TJAP1: variants seen among roughly 807,000 people sequenced by gnomAD.
TJAP1 encodes tight junction associated protein 1.
Under a neutral mutation model 42.0 loss-of-function variants are expected in TJAP1, and 27 were observed. That is an observed-to-expected ratio of 0.64 (90% CI 0.47 to 0.89). The LOEUF is 0.89. Ranked by LOEUF, TJAP1 falls within the 40% of genes least tolerant of loss-of-function variation. The pLI, the probability that TJAP1 is intolerant of heterozygous loss-of-function variation, is 0.00. For missense variants in TJAP1, 712 were observed against 726.9 expected (o/e 0.98, Z 0.24); for synonymous variants, 257 against 288.4 (o/e 0.89, Z 1.10).
rs1444583824 is a variant in TJAP1 at position 43,501,925 on chromosome 6, ACACTCTCT to A, written c.290+240_290+247del. ...CACACACACACACACACACACACAC[ACACTCTCT>A]CTCTCTCTCTCTCTCTCTCTCTCCT... On this transcript the variant is annotated intron_variant, in intron 6 of 10. Transcript: ENST00000372449. Among the ~76,000 whole-genome samples, 60 of 102,286 alleles carry A rather than the reference ACACTCTCT, an allele frequency of 5.9e-4. 1 individual carries two copies. Among genetic ancestry groups the A allele is most frequent in the African/African-American group, 2.1e-3 (43 of 20,716 alleles). The allele number at this position is 102,286 out of a possible 152,430, so 67.1% of individuals were successfully genotyped here. A position where few individuals can be genotyped will look rare whatever the true frequency, so the allele number is the denominator to read the frequency against.
At chr6:43,496,795 A>G (rs1789273658) in intron 2 of TJAP1, among the ~76,000 whole-genome samples, 1 of 152,236 alleles carries the variant, frequency 6.6e-6, no homozygotes, top group Non-Finnish European at 1.5e-5. Context: ...TTTTCTGCCC[A>G]GAAGGCCACC....
chr6:43,498,987 C>T, exon 4 of TJAP1: 1 of 1,613,048 alleles, frequency 6.2e-7, no homozygotes, highest in Non-Finnish European at 8.5e-7. Context: ...GGCGGAGGAG[C>T]CGTCACCTCC....
At chr6:43,496,359 C>T (rs1405108341) in intron 2 of TJAP1, among the ~76,000 whole-genome samples, 3 of 152,166 alleles carry the variant, frequency 2.0e-5, no homozygotes, top group Non-Finnish European at 2.9e-5. Context: ...GAGGGGCAGC[C>T]CCAAGGAACC....
At chr6:43,485,585 T>C (rs1033085804) in intron 2 of TJAP1, among the ~76,000 whole-genome samples, 43 of 152,226 alleles carry the variant, frequency 2.8e-4, no homozygotes, top group Admixed American at 2.8e-3. Context: ...GTACCTCTCC[T>C]CTGTGCTCTC....
intron 5 of TJAP1, 22 bp downstream of exon 5, chr6:43,500,794 T>C (rs1790351841): frequency 1.2e-6 from 2 of 1,613,930 alleles, no homozygotes; most frequent in Non-Finnish European, 1.7e-6. Context: ...CTACCTGAGA[T>C]ACTGCCCTGC....
intron 2 of TJAP1, among the ~76,000 whole-genome samples, chr6:43,494,656 T>C (rs1788696249): frequency 1.3e-5 from 2 of 148,344 alleles, no homozygotes; most frequent in Non-Finnish European, 1.5e-5. Context: ...TCCTTTTTTT[T>C]TTTTTTTTTT....
chr6:43,482,573 C>G (rs1373348525), intron 2 of TJAP1, among the ~76,000 whole-genome samples: 1 of 152,178 alleles, frequency 6.6e-6, no homozygotes, highest in Non-Finnish European at 1.5e-5. Context: ...CTTGAGTGCC[C>G]TTCTTCTGTG....
chr6:43,488,857 A>G (rs1434648284), intron 2 of TJAP1, among the ~76,000 whole-genome samples: 1 of 152,178 alleles, frequency 6.6e-6, no homozygotes, highest in Non-Finnish European at 1.5e-5. Flanking sequence ...TCAGAGCAAC[A>G]TGGGGAGCCC....
chr6:43,500,870 G>A lies in TJAP1; in HGVS notation c.128+98G>A, dbSNP rs531252247. The A allele has an allele frequency of 2.3e-5, 33 of 1,458,894 alleles. No individual in the cohort carries two copies. In the South Asian group the frequency reaches 3.7e-4, roughly 16 times the overall value. 90.4% of individuals were successfully genotyped at this position (1,458,894 alleles called of 1,614,324 possible). A position where few individuals can be genotyped will look rare whatever the true frequency, so the allele number is the denominator to read the frequency against. On this transcript the variant is annotated intron_variant, in intron 5 of 10. Transcript: ENST00000372449. ...ACAGTTGGACTTTCCCTTGGATTAG[G>A]TAGAAATAAAGGTTGGGATGGGTTG...
chr6:43,494,815 C>T (rs747473933), intron 2 of TJAP1, among the ~76,000 whole-genome samples: 21 of 152,288 alleles, frequency 1.4e-4, no homozygotes, highest in Non-Finnish European at 2.8e-4. Flanking sequence ...TCAAGTGATC[C>T]GCCTGCCTTG....
At chr6:43,503,797 C>A in intron 10 of TJAP1, 91 bp downstream of exon 10, 1 of 1,158,820 alleles carries the variant, frequency 8.6e-7, no homozygotes, top group Non-Finnish European at 1.3e-6. Context: ...TCTCTCTGTC[C>A]TCCTCTTCCC....
chr6:43,499,120 C>T lies in TJAP1; in HGVS notation c.99+20C>T, dbSNP rs1401840696. 3.7e-6 allele frequency: 6 copies of T among 1,612,492 alleles called. No individual in the cohort carries two copies. The highest frequency in any genetic ancestry group is 5.1e-6 in the Non-Finnish European group (6 of 1,179,744). On this transcript the variant is annotated intron_variant, in intron 4 of 10. Transcript: ENST00000372449. Reference sequence around the variant, plus strand: ...CAGGAGGTCAGCAAGACTGGTATCACAGCCTGACCGGCAGAGGCAAGGCCC... The same window carrying T: ...CAGGAGGTCAGCAAGACTGGTATCATAGCCTGACCGGCAGAGGCAAGGCCC...
intron 8 of TJAP1, 138 bp from the exon 9 acceptor site, chr6:43,503,263 C>T: frequency 1.5e-6 from 1 of 656,172 alleles, no homozygotes; most frequent in South Asian, 1.8e-5. Context: ...TTCTGTCTGT[C>T]CGTCATTTGT....
At chr6:43,502,746 GGCCCGTTTAACTGTCAAT>G in intron 8 of TJAP1, 129 bp downstream of exon 8, 1 of 1,081,994 alleles carries the variant, frequency 9.2e-7, no homozygotes, top group Non-Finnish European at 1.4e-6. Context: ...CCCTGTATGA[GGCCCGTTTAACTGTCAAT>G]GCCTCCCTCC....
rs113841083 is a variant in TJAP1 at position 43,493,928 on chromosome 6, T to A, written c.-121-3953T>A. On this transcript the variant is annotated intron_variant, in intron 2 of 10. Coordinates refer to ENST00000372449, the Ensembl canonical transcript of TJAP1. ...GTTAAAGAGTGATGCTTGGCAAATTTTTTTCCTTTTATTAAAGGACACTGC... is the reference window on the plus strand; with the variant it reads ...GTTAAAGAGTGATGCTTGGCAAATTATTTTCCTTTTATTAAAGGACACTGC... Among the ~76,000 whole-genome samples the A allele has an allele frequency of 3.7e-4, 57 of 152,188 alleles. 1 individual carries two copies. Among genetic ancestry groups the A allele is most frequent in the Middle Eastern group, 3.4e-3 (1 of 294 alleles).
At chr6:43,490,367 C>T (rs1250827293) in intron 2 of TJAP1, among the ~76,000 whole-genome samples, 2 of 152,194 alleles carry the variant, frequency 1.3e-5, no homozygotes, top group African/African-American at 4.8e-5. Context: ...GCTTTTAGCA[C>T]AGAGTTTGAG....
intron 2 of TJAP1, among the ~76,000 whole-genome samples, chr6:43,483,621 G>A (rs575758830): frequency 2.6e-5 from 4 of 152,184 alleles, no homozygotes. Context: ...GAGAGGAGTC[G>A]GTGGGAATGG....
In TJAP1 at chr6:43,503,281, C is replaced by G. The variant is rs992192730; in HGVS notation, c.388-120C>G. 6 of 709,638 alleles carry G rather than the reference C, an allele frequency of 8.5e-6. No individual in the cohort carries two copies. The African/African-American group carries it at 8.8e-5, about 10-fold the overall frequency. The allele number at this position is 709,638 out of a possible 1,614,324, so 44.0% of individuals were successfully genotyped here. A position where few individuals can be genotyped will look rare whatever the true frequency, so the allele number is the denominator to read the frequency against. On this transcript the variant is annotated intron_variant, in intron 8 of 10. Transcript: ENST00000372449. ...TGTCTGTCCGTCATTTGTCTCTGCT[C>G]TGTCCGCCTTGGCTGCCCTAGCACC...
exon 11 of TJAP1, chr6:43,506,077 T>C (rs568842238): frequency 1.2e-5 from 5 of 418,088 alleles, no homozygotes; most frequent in Non-Finnish European, 2.1e-5. Context: ...TTTCTTAGAA[T>C]ATTTATTCTT....
Sources: gnomAD v4.1 joint callset for allele counts (sites outside exome capture counted in the v4.1 genomes callset) on GRCh38, gnomAD v4.1.1 for gene constraint, MANE v1.5 for transcripts, NCBI Gene and HGNC (gene_info 2026-07-23, HGNC 2026-07-21) for gene names.